The following EBF2 variants were observed in gnomAD, a reference collection of about 807,000 sequenced individuals.
EBF2 encodes the protein transcription factor COE2.
A neutral mutation model predicts 72.8 loss-of-function variants in EBF2; 21 were observed. The observed-to-expected ratio is 0.29, with a 90% CI of 0.20 to 0.42. The LOEUF (loss-of-function observed/expected upper bound fraction) is 0.42, where lower values mean the gene tolerates loss of function less well. EBF2 is among the 10% of genes least tolerant of loss of function. The pLI is 1.00. For missense variants in EBF2, 637 were observed against 731.2 expected (o/e 0.87, Z 1.49); for synonymous variants, 299 against 274.2 (o/e 1.09, Z -0.89).
At position 25,945,860 on chromosome 8, in the gene EBF2, C is replaced by T. The variant is rs188192309; in HGVS notation, c.552-37305G>A. The stretch of plus-strand genomic sequence containing the variant: ...TTTAGAAGCACTCAGGACTCCTAAA[C>T]CTATTGAAACGGTCTTTCATTCTAA... On this transcript the variant is annotated intron_variant, in intron 6 of 15. Transcript: ENST00000520164. Among the ~76,000 whole-genome samples, 418 of 151,990 alleles carry T rather than the reference C, an allele frequency of 2.8e-3. 9 individuals carry two copies. The highest frequency in any genetic ancestry group is 3.5e-4 in the Non-Finnish European group (24 of 67,998).
rs569956461 is a variant in EBF2 at position 25,851,577 on chromosome 8, A to AACTT, written c.1529-820_1529-817dup. Among the ~76,000 whole-genome samples, 754 of 151,886 alleles carry AACTT rather than the reference A, an allele frequency of 5.0e-3. 8 individuals carry two copies. The highest frequency in any genetic ancestry group is 0.017 in the African/African-American group (693 of 41,176). On this transcript the variant is annotated intron_variant, in intron 14 of 15. Transcript: ENST00000520164. ...GATGATAATTTTATCTTCTATGTTC[A>AACTT]ACTTAAGAAAGGAGTAAACTAGAGT...
At chr8:26,027,968 C>T (rs747576501) in intron 6 of EBF2, among the ~76,000 whole-genome samples, 5 of 151,876 alleles carry the variant, frequency 3.3e-5, no homozygotes, top group Admixed American at 6.6e-5. Flanking sequence ...GGGTAGGAGA[C>T]GGGTAGTGGG....
At chr8:26,010,333 G>A (rs1804957352) in intron 6 of EBF2, among the ~76,000 whole-genome samples, 1 of 152,220 alleles carries the variant, frequency 6.6e-6, no homozygotes, top group Non-Finnish European at 1.5e-5. Context: ...CAGACCGAAA[G>A]GAAACTCCTT....
chr8:25,963,494 C>T (rs760669391), intron 6 of EBF2, among the ~76,000 whole-genome samples: 2 of 152,160 alleles, frequency 1.3e-5, no homozygotes, highest in Non-Finnish European at 2.9e-5. Context: ...CGGTGCTGTC[C>T]TTGTAGGACC....
intron 6 of EBF2, among the ~76,000 whole-genome samples, chr8:25,923,780 T>G (rs1295926431): frequency 6.6e-6 from 1 of 152,174 alleles, no homozygotes; most frequent in African/African-American, 2.4e-5. Context: ...ATTATTCTGT[T>G]AGGAATATTT....
rs542803392 is a variant in EBF2 at position 26,037,299 on chromosome 8, C to T, written c.482+2729G>A. On this transcript the variant is annotated intron_variant, in intron 5 of 15. Transcript: ENST00000520164. ...AAGGGGAAAAAGCCCCAGCCTTGGACAGAGAGTGTCCCGTCAGCCAAACTC... is the reference window on the plus strand; with the variant it reads ...AAGGGGAAAAAGCCCCAGCCTTGGATAGAGAGTGTCCCGTCAGCCAAACTC... 1.2e-4 allele frequency among the ~76,000 whole-genome samples: 19 copies of T among 152,276 alleles called. No individual in the cohort carries two copies. In the South Asian group the frequency reaches 2.3e-3, roughly 18 times the overall value.
chr8:25,900,897 T>C (rs182932401), intron 7 of EBF2, among the ~76,000 whole-genome samples: 312 of 152,288 alleles, frequency 2.0e-3, no homozygotes, highest in African/African-American at 6.9e-3. Flanking sequence ...GTGTAACGTC[T>C]AATATTTGAT....
At chr8:25,970,210 T>G (rs1804169684) in intron 6 of EBF2, among the ~76,000 whole-genome samples, 2 of 152,324 alleles carry the variant, frequency 1.3e-5, no homozygotes, top group South Asian at 4.1e-4. Flanking sequence ...GGTTTCCAGA[T>G]GAACCAGGAT....
chr8:25,854,238 C>CAA (rs372818134), intron 14 of EBF2, among the ~76,000 whole-genome samples: 29,876 of 137,206 alleles, frequency 0.22, 4,941 homozygotes, highest in African/African-American at 0.46. Context: ...CCCCCACCTC[C>CAA]AAAAAAAAAA....
At chr8:26,002,231 T>C (rs1429037810) in intron 6 of EBF2, among the ~76,000 whole-genome samples, 1 of 152,092 alleles carries the variant, frequency 6.6e-6, no homozygotes, top group Non-Finnish European at 1.5e-5. Context: ...TGAAGTCTGC[T>C]GGTGGGGTGA....
chr8:25,846,518 T>C (rs1033349722), intron 15 of EBF2, among the ~76,000 whole-genome samples: 3 of 151,906 alleles, frequency 2.0e-5, no homozygotes, highest in Non-Finnish European at 4.4e-5. Context: ...TGAAAACCCA[T>C]CTCTACAAAA....
At chr8:25,953,545 T>C (rs1276182055) in intron 6 of EBF2, among the ~76,000 whole-genome samples, 2 of 152,154 alleles carry the variant, frequency 1.3e-5, no homozygotes, top group East Asian at 3.8e-4. Flanking sequence ...GATCTTCCAG[T>C]CCCATACCGC....
At chr8:25,932,819 C>T (rs937781918) in intron 6 of EBF2, among the ~76,000 whole-genome samples, 1 of 151,674 alleles carries the variant, frequency 6.6e-6, no homozygotes, top group Non-Finnish European at 1.5e-5. Flanking sequence ...TTTTTTACTG[C>T]CAGAATCTAC....
At chr8:26,022,335 G>A (rs938100064) in intron 6 of EBF2, among the ~76,000 whole-genome samples, 4 of 152,176 alleles carry the variant, frequency 2.6e-5, no homozygotes, top group East Asian at 1.9e-4. Flanking sequence ...AGTTGTGCAC[G>A]TCGTTTTCAA....
At chr8:25,873,378 T>C (rs573918638) in intron 10 of EBF2, among the ~76,000 whole-genome samples, 193 of 152,232 alleles carry the variant, frequency 1.3e-3, no homozygotes, top group Non-Finnish European at 2.4e-3. Flanking sequence ...GGCTTTCTTC[T>C]CTGAGGAGTA....
chr8:25,941,812 G>T (rs570282422), intron 6 of EBF2, among the ~76,000 whole-genome samples: 13 of 152,222 alleles, frequency 8.5e-5, no homozygotes, highest in African/African-American at 2.9e-4. Flanking sequence ...TCCTGCTCTC[G>T]CTAATTCATT....
chr8:25,940,847 T>C (rs1337080427), intron 6 of EBF2, among the ~76,000 whole-genome samples: 1 of 152,116 alleles, frequency 6.6e-6, no homozygotes, highest in Non-Finnish European at 1.5e-5. Flanking sequence ...ATGTGGAATA[T>C]GTATATACAG....
At chr8:26,021,669 T>G (rs898564157) in intron 6 of EBF2, among the ~76,000 whole-genome samples, 4 of 152,240 alleles carry the variant, frequency 2.6e-5, no homozygotes, top group Non-Finnish European at 4.4e-5. Flanking sequence ...TTATCTGAAA[T>G]GCAAATTTAA....
At chr8:25,853,428 ACACT>A (rs1433171780) in intron 14 of EBF2, among the ~76,000 whole-genome samples, 1 of 152,134 alleles carries the variant, frequency 6.6e-6, no homozygotes, top group African/African-American at 2.4e-5. Flanking sequence ...CCATATAGAA[ACACT>A]CAAACTGATT....
Sources: gnomAD v4.1 joint callset for allele counts (sites outside exome capture counted in the v4.1 genomes callset) on GRCh38, gnomAD v4.1.1 for gene constraint, MANE v1.5 for transcripts, NCBI Gene and HGNC (gene_info 2026-07-23, HGNC 2026-07-21) for gene names.